Variants in THSD4 observed in about 807,000 individuals in gnomAD.
THSD4 encodes the protein thrombospondin type 1 domain containing 4.
Under a neutral mutation model 119.0 loss-of-function variants are expected in THSD4, and 69 were observed. That is an observed-to-expected ratio of 0.58 (90% CI 0.48 to 0.71). The LOEUF (loss-of-function observed/expected upper bound fraction) is 0.71. Among genes scored for constraint, THSD4 ranks in the 30% least tolerant of loss-of-function variants. THSD4 has a pLI of 0.00. For synonymous variants in THSD4, 524 were observed against 540.4 expected (o/e 0.97, Z 0.42); for missense variants, 1,393 against 1,391.1 (o/e 1.00, Z -0.02).
At chr15:71,565,119 C>A (rs2049209471) in intron 7 of THSD4, among the ~76,000 whole-genome samples, 1 of 152,158 alleles carries the variant, frequency 6.6e-6, no homozygotes, top group African/African-American at 2.4e-5. Flanking sequence ...GGCTGCAGGT[C>A]CAGCAGATTT....
chr15:71,223,417 G>A lies in THSD4; in HGVS notation c.464+8018G>A, dbSNP rs79837535. Among the ~76,000 whole-genome samples the A allele has an allele frequency of 3.7e-3, 564 of 152,310 alleles. 1 individual carries two copies. The highest frequency in any genetic ancestry group is 0.013 in the African/African-American group (547 of 41,552). ...TCCCAAAGCTTTTAGTGTTACATAG[G>A]AATACTGAAACTGGCTCTACTGTGA... On this transcript the variant is annotated intron_variant, in intron 4 of 17. Coordinates refer to ENST00000261862, the MANE Select transcript of THSD4 (RefSeq NM_024817.3).
At chr15:71,166,528 G>A (rs1298266115) in intron 3 of THSD4, among the ~76,000 whole-genome samples, 1 of 152,128 alleles carries the variant, frequency 6.6e-6, no homozygotes, top group Non-Finnish European at 1.5e-5. Flanking sequence ...TGGAGGTGAT[G>A]GGGCAAAGGA....
intron 7 of THSD4, chr15:71,547,451 A>G (rs982357795): frequency 1.3e-6 from 2 of 1,550,430 alleles, no homozygotes; most frequent in African/African-American, 2.7e-5. Context: ...TCCACGTTCA[A>G]ACAGCAGTGT....
chr15:71,429,805 A>C (rs928976042), intron 7 of THSD4, among the ~76,000 whole-genome samples: 1 of 152,258 alleles, frequency 6.6e-6, no homozygotes, highest in African/African-American at 2.4e-5. Flanking sequence ...CCAGTCTCTC[A>C]TTCCTGAGAA....
chr15:71,636,831 G>A (rs1039373250), intron 7 of THSD4, among the ~76,000 whole-genome samples: 1 of 151,978 alleles, frequency 6.6e-6, no homozygotes, highest in Non-Finnish European at 1.5e-5. Flanking sequence ...TGCGAGGCAT[G>A]TGAGAAATCT....
At chr15:71,221,067 G>A (rs905976618) in intron 4 of THSD4, among the ~76,000 whole-genome samples, 7 of 152,166 alleles carry the variant, frequency 4.6e-5, no homozygotes, top group African/African-American at 1.4e-4. Flanking sequence ...GGGCGAGTAG[G>A]GAAGAAAGGT....
chr15:71,664,470 C>T (rs1038138291), intron 8 of THSD4, among the ~76,000 whole-genome samples: 13 of 151,938 alleles, frequency 8.6e-5, no homozygotes, highest in African/African-American at 3.1e-4. Context: ...TTTATTAATG[C>T]TGAAGCTGAT....
chr15:71,743,073 T>C (rs2053267011), intron 11 of THSD4, among the ~76,000 whole-genome samples: 1 of 152,024 alleles, frequency 6.6e-6, no homozygotes, highest in Non-Finnish European at 1.5e-5. Context: ...TAAAAAAAGA[T>C]TTGTAGATCT....
In THSD4 at chr15:71,136,000, T is replaced by G. The variant is rs1273884401; in HGVS notation, c.-79-5449T>G. ...TTTTTTGTTTAGTTTAGTTTTTTTT[T>G]TTTTTTTTTTTTTTTTTAAGACTCC... On this transcript the variant is annotated intron_variant, in intron 1 of 17. Coordinates refer to ENST00000261862, the MANE Select transcript of THSD4 (RefSeq NM_024817.3). Among the ~76,000 whole-genome samples, 17 of 140,228 alleles carry G rather than the reference T, an allele frequency of 1.2e-4. No homozygotes were observed. In the East Asian group the frequency reaches 3.4e-3, roughly 28 times the overall value. 92.0% of individuals were successfully genotyped at this position (140,228 alleles called of 152,430 possible). A position where few individuals can be genotyped will look rare whatever the true frequency, so the allele number is the denominator to read the frequency against.
At chr15:71,099,873 T>C (rs1022913601) in intron 1 of THSD4, among the ~76,000 whole-genome samples, 1 of 152,112 alleles carries the variant, frequency 6.6e-6, no homozygotes, top group Admixed American at 6.6e-5. Context: ...GGTGGAAGAA[T>C]CACCTGAGCC....
chr15:71,500,355 T>G (rs1360518873), intron 7 of THSD4, among the ~76,000 whole-genome samples: 4 of 152,198 alleles, frequency 2.6e-5, no homozygotes, highest in Non-Finnish European at 4.4e-5. Flanking sequence ...TGTAAGAGTG[T>G]TTCGTATATT....
chr15:71,464,883 C>A (rs2047478662), intron 7 of THSD4, among the ~76,000 whole-genome samples: 1 of 152,114 alleles, frequency 6.6e-6, no homozygotes, highest in Non-Finnish European at 1.5e-5. Flanking sequence ...GAAAACACTA[C>A]CCCCTCCCCC....
intron 3 of THSD4, among the ~76,000 whole-genome samples, chr15:71,159,810 T>C (rs1329432910): frequency 6.6e-6 from 1 of 152,130 alleles, no homozygotes; most frequent in East Asian, 1.9e-4. Flanking sequence ...TGGCTAGGAA[T>C]TCCTATGTTG....
chr15:71,180,373 G>A (rs1372185884), intron 3 of THSD4, among the ~76,000 whole-genome samples: 1 of 152,102 alleles, frequency 6.6e-6, no homozygotes, highest in Non-Finnish European at 1.5e-5. Context: ...ATATGCAAAT[G>A]TCCAATAAGC....
rs548937539 is a variant in THSD4, at chr15:71,412,734, A to AC, written c.1152+918dup. Among the ~76,000 whole-genome samples the AC allele has an allele frequency of 3.5e-3, 533 of 151,974 alleles. 1 individual carries two copies. Among genetic ancestry groups the AC allele is most frequent in the Non-Finnish European group, 6.1e-3 (412 of 67,954 alleles). ...GAGGTGTTATTTGTGAGCACAACCT[A>AC]CCCCCCCACCAACAACATTTTGAAT... is the stretch of plus-strand genomic sequence containing the variant. On this transcript the variant is annotated intron_variant, in intron 7 of 17. Coordinates refer to ENST00000261862, the MANE Select transcript of THSD4 (RefSeq NM_024817.3).
chr15:71,131,648 T>C (rs1433963488), intron 1 of THSD4, among the ~76,000 whole-genome samples: 2 of 152,240 alleles, frequency 1.3e-5, no homozygotes, highest in African/African-American at 2.4e-5. Flanking sequence ...TTTTTTTCCC[T>C]ATTGTGACAA....
intron 6 of THSD4, among the ~76,000 whole-genome samples, chr15:71,399,099 T>C (rs984317): frequency 0.71 from 107,369 of 151,106 alleles, 38,806 homozygotes; most frequent in East Asian, 0.83. Flanking sequence ...CTGCTTGGAG[T>C]ATCTTTGGGT....
At chr15:71,365,487 TC>T (rs1716100483) in intron 6 of THSD4, among the ~76,000 whole-genome samples, 1 of 152,060 alleles carries the variant, frequency 6.6e-6, no homozygotes, top group African/African-American at 2.4e-5. Context: ...TTTCCTTGTC[TC>T]CCAAAAATAG....
At chr15:71,366,025 C>T (rs1331827992) in intron 6 of THSD4, among the ~76,000 whole-genome samples, 1 of 152,154 alleles carries the variant, frequency 6.6e-6, no homozygotes, top group Non-Finnish European at 1.5e-5. Context: ...TCTTGCTGTC[C>T]TTTCACACAT....
Sources: gnomAD v4.1 joint callset for allele counts (sites outside exome capture counted in the v4.1 genomes callset) on GRCh38, gnomAD v4.1.1 for gene constraint, MANE v1.5 for transcripts, NCBI Gene and HGNC (gene_info 2026-07-23, HGNC 2026-07-21) for gene names.